The following HAPLN2 variants were observed in gnomAD, a reference collection of about 807,000 sequenced individuals.
The protein encoded by HAPLN2 is hyaluronan and proteoglycan link protein 2, also known as brain link protein-1.
HAPLN2 carries 27 observed loss-of-function variants against 29.3 expected under a neutral mutation model. The ratio of observed to expected loss-of-function variants is 0.92; its 90% CI spans 0.68 to 1.27. HAPLN2 has a LOEUF of 1.27. Ranked by LOEUF, HAPLN2 falls within the 50% of genes most tolerant of loss-of-function variation. The probability of loss-of-function intolerance (pLI) is 0.00; values close to 1 mark genes in which losing one functional copy is unlikely to be tolerated. For missense variants in HAPLN2, 454 were observed against 484.3 expected (o/e 0.94, Z 0.59); for synonymous variants, 208 against 211.7 (o/e 0.98, Z 0.15).
In HAPLN2 at chr1:156,625,494, C is replaced by A; in HGVS notation, c.*110C>A. 1 of 1,119,080 alleles carries A rather than the reference C, an allele frequency of 8.9e-7. No individual in the cohort carries two copies. Among genetic ancestry groups the A allele is most frequent in the Non-Finnish European group, 1.2e-6 (1 of 830,750 alleles). The allele number at this position is 1,119,080 out of a possible 1,614,324, so 69.3% of individuals were successfully genotyped here. A position where few individuals can be genotyped will look rare whatever the true frequency, so the allele number is the denominator to read the frequency against. ...CCCCTCCCTCCAGACCCGGAGCGGC[C>A]TCTCCAGACCTGCCTTCCCAGCCGG... On this transcript the variant is annotated 3_prime_UTR_variant, in exon 7 of 7. Coordinates refer to ENST00000255039, the MANE Select transcript of HAPLN2 (RefSeq NM_021817.3). The surrounding 1 kb of genome is among the most constrained non-coding windows in gnomAD (Gnocchi z 5.7).
At chr1:156,601,521 C>G in the HAPLN2 span, 2 of 1,492,028 alleles carry the variant, frequency 1.3e-6, no homozygotes, top group African/African-American at 2.8e-5. Context: ...ATAGAGACGT[C>G]CGCGGGAACC....
chr1:156,607,993 G>A, the HAPLN2 span, among the ~76,000 whole-genome samples: 1 of 152,062 alleles, frequency 6.6e-6, no homozygotes, highest in African/African-American at 2.4e-5. Context: ...CTTAGCCTAG[G>A]CAGGTTCTAA....
Position 156,621,919 on chromosome 1 carries a change from G to A in HAPLN2, c.-24-1548G>A, listed in dbSNP as rs192963273. ...TGCAGTGATCCAAGATCGTGCCACT[G>A]TGCTCCAGCCTGGGCAACAGAGCGA... On this transcript the variant is annotated intron_variant, in intron 2 of 6. Coordinates refer to ENST00000255039, the MANE Select transcript of HAPLN2 (RefSeq NM_021817.3). 2.1e-3 allele frequency among the ~76,000 whole-genome samples: 321 copies of A among 151,158 alleles called. 1 individual carries two copies. Among genetic ancestry groups the A allele is most frequent in the African/African-American group, 7.5e-3 (308 of 41,158 alleles).
chr1:156,615,368 G>C (rs1218218519), upstream of HAPLN2: 1 of 152,204 alleles, frequency 6.6e-6, no homozygotes, highest in Admixed American at 6.5e-5. Context: ...ACCAGGCTGA[G>C]TTCAATGTTG....
chr1:156,616,024 C>G (rs1352712094), upstream of HAPLN2, among the ~76,000 whole-genome samples: 1 of 152,180 alleles, frequency 6.6e-6, no homozygotes, highest in African/African-American at 2.4e-5. Flanking sequence ...TGTCATCTTG[C>G]CAGCCCTTCC....
chr1:156,622,630 G>T (rs1678272423), intron 2 of HAPLN2, among the ~76,000 whole-genome samples: 1 of 152,098 alleles, frequency 6.6e-6, no homozygotes, highest in South Asian at 2.1e-4. Flanking sequence ...AGCATGTCAG[G>T]GGAACAGTGC....
chr1:156,625,400 C>G lies in HAPLN2; in HGVS notation c.*16C>G. ...CGAGAATTAGGCGCCCACCGTGTCC[C>G]CTCCAGCGCGCGCGAAGAAGCTTGG... On this transcript the variant is annotated 3_prime_UTR_variant, in exon 7 of 7. Coordinates refer to ENST00000255039, the MANE Select transcript of HAPLN2 (RefSeq NM_021817.3). This position sits in a 1 kb window ranked among gnomAD's most constrained non-coding sequence, Gnocchi z 5.7. 1 of 1,558,860 alleles carries G rather than the reference C, an allele frequency of 6.4e-7. No individual in the cohort carries two copies. The highest frequency in any genetic ancestry group is 8.7e-7 in the Non-Finnish European group (1 of 1,152,452).
At chr1:156,616,945 T>C (rs1216140663), upstream of HAPLN2, among the ~76,000 whole-genome samples, 2 of 151,886 alleles carry the variant, frequency 1.3e-5, no homozygotes, top group Non-Finnish European at 2.9e-5. Flanking sequence ...AAAAGTTAGC[T>C]GGGTGTGGTG....
At chr1:156,624,846 T>G (rs1331768991) in intron 6 of HAPLN2, 63 bp downstream of exon 6, 2 of 1,432,604 alleles carry the variant, frequency 1.4e-6, no homozygotes, top group African/African-American at 1.4e-5. Context: ...GGACGAGGAG[T>G]GGACCTCAGC....
chr1:156,611,676 G>A, the HAPLN2 span, among the ~76,000 whole-genome samples: 1 of 152,218 alleles, frequency 6.6e-6, no homozygotes, highest in African/African-American at 2.4e-5. Flanking sequence ...GTAGCTGTCT[G>A]TGTTTTGATT....
chr1:156,611,330 C>A, the HAPLN2 span, among the ~76,000 whole-genome samples: 3 of 151,096 alleles, frequency 2.0e-5, no homozygotes, highest in Non-Finnish European at 4.4e-5. Context: ...TTTGGGAGGC[C>A]GAGGCAGGCA....
Position 156,623,882 on chromosome 1 carries a change from C to T in HAPLN2, c.161C>T (p.Thr54Met). The change falls in exon 4 of 7, where the codon ACG becomes ATG. Residue 54 changes from threonine (T) to methionine (M), a missense_variant. This residue lies in a region of HAPLN2 where 204 missense variants were observed against 209.2 expected (regional missense o/e 0.98). Coordinates refer to ENST00000255039, the MANE Select transcript of HAPLN2 (RefSeq NM_021817.3). ...VIHSHRGATA[T>M]LPCVLGTTPP... Reference sequence around the variant, plus strand: ...CACTCTCATCGTGGGGCCACGGCCACGCTGCCCTGCGTCCTGGGCACCACG... The same window carrying T: ...CACTCTCATCGTGGGGCCACGGCCATGCTGCCCTGCGTCCTGGGCACCACG... 1.3e-6 allele frequency: 2 copies of T among 1,578,180 alleles called. No homozygotes were observed. Among genetic ancestry groups the T allele is most frequent in the East Asian group, 2.2e-5 (1 of 44,594 alleles).
In HAPLN2 at chr1:156,623,529, C is replaced by T; in HGVS notation, c.39C>T (p.Phe13=). 2 of 1,614,202 alleles carry T rather than the reference C, an allele frequency of 1.2e-6. No homozygotes were observed. Among genetic ancestry groups the T allele is most frequent in the Non-Finnish European group, 1.7e-6 (2 of 1,180,030 alleles). The part of the protein sequence containing the change: ...GWLTLPTLCR[F]LLWAFTIFHK... The stretch of plus-strand genomic sequence containing the variant: ...TCACCCTCCCCACACTCTGCCGCTT[C>T]CTTCTTTGGGCCTTCACCATCTTCC... Residue 13 remains phenylalanine, a synonymous_variant, in exon 3 of 7, where the codon TTC becomes TTT. Transcript: ENST00000255039.
At chr1:156,605,914 C>G in the HAPLN2 span, among the ~76,000 whole-genome samples, 3 of 93,096 alleles carry the variant, frequency 3.2e-5, no homozygotes, top group Non-Finnish European at 7.6e-5. Flanking sequence ...TTTTGGGAGG[C>G]CAAGGCAGGA....
rs546164747 is a variant in HAPLN2 at position 156,624,685 on chromosome 1, C to G, written c.641C>G (p.Pro214Arg). 4 of 1,602,124 alleles carry G rather than the reference C, an allele frequency of 2.5e-6. No homozygotes were observed. The highest frequency in any genetic ancestry group is 1.1e-5 in the South Asian group (1 of 90,256). The change falls in exon 6 of 7, where the codon CCG (proline) becomes CGG (arginine). Residue 214 changes from proline to arginine, a missense_variant. By Grantham distance (103) the Pro-to-Arg change is moderately radical (BLOSUM62 -2). Coordinates refer to ENST00000255039, the MANE Select transcript of HAPLN2 (RefSeq NM_021817.3). ...VRYPVLTARA[P>R]CGGRGRPGIR... ...TACCCTGTGCTCACCGCACGCGCCCCGTGCGGCGGCCGAGGCCGGCCCGGG... is the reference window on the plus strand; with the variant it reads ...TACCCTGTGCTCACCGCACGCGCCCGGTGCGGCGGCCGAGGCCGGCCCGGG...
chr1:156,612,394 T>C, the HAPLN2 span, among the ~76,000 whole-genome samples: 1 of 151,990 alleles, frequency 6.6e-6, no homozygotes, highest in Non-Finnish European at 1.5e-5. Context: ...TGTTTGGATA[T>C]TTTTTTTGGA....
In HAPLN2 at chr1:156,623,508, C is replaced by T. The variant is rs1223761823; in HGVS notation, c.18C>T (p.Thr6=). The change falls in exon 3 of 7, where the codon ACC becomes ACT. Residue 6 remains threonine, a synonymous_variant. Coordinates refer to ENST00000255039, the MANE Select transcript of HAPLN2 (RefSeq NM_021817.3). ...CCCCCATCATGCCAGGCTGGCTCACCCTCCCCACACTCTGCCGCTTCCTTC... is the reference window on the plus strand; with the variant it reads ...CCCCCATCATGCCAGGCTGGCTCACTCTCCCCACACTCTGCCGCTTCCTTC... MPGWL[T]LPTLCRFLLW... 4 of 1,613,982 alleles carry T rather than the reference C, an allele frequency of 2.5e-6. No homozygotes were observed. The highest frequency in any genetic ancestry group is 2.5e-6 in the Non-Finnish European group (3 of 1,180,008).
chr1:156,625,452 C>A lies in HAPLN2; in HGVS notation c.*68C>A. ...AGTCGTGGCGGGGGTCTCTCGCCACCCCTTTCCGGAGAGCCTCCCCTCCCT... is the reference window on the plus strand; with the variant it reads ...AGTCGTGGCGGGGGTCTCTCGCCACACCTTTCCGGAGAGCCTCCCCTCCCT... On this transcript the variant is annotated 3_prime_UTR_variant, in exon 7 of 7. Coordinates refer to ENST00000255039, the MANE Select transcript of HAPLN2 (RefSeq NM_021817.3). This position sits in a 1 kb window ranked among gnomAD's most constrained non-coding sequence, Gnocchi z 5.7. 2 of 1,428,114 alleles carry A rather than the reference C, an allele frequency of 1.4e-6. No individual in the cohort carries two copies. Among genetic ancestry groups the A allele is most frequent in the Non-Finnish European group, 1.9e-6 (2 of 1,068,344 alleles). 88.5% of individuals were successfully genotyped at this position (1,428,114 alleles called of 1,614,324 possible).
chr1:156,602,012 A>T, the HAPLN2 span, among the ~76,000 whole-genome samples: 2 of 151,112 alleles, frequency 1.3e-5, no homozygotes, highest in African/African-American at 4.9e-5. Context: ...CGACTCACTC[A>T]CTGTAACCTC....
Sources: gnomAD v4.1 joint callset for allele counts (sites outside exome capture counted in the v4.1 genomes callset) on GRCh38, gnomAD v4.1.1 for gene constraint, gnomAD v4.1.1 regional missense constraint, Gnocchi (gnomAD v3.1) non-coding constraint, MANE v1.5 for transcripts, NCBI Gene and HGNC (gene_info 2026-07-23, HGNC 2026-07-21) for gene names.